The following USP43 variants were observed in gnomAD, a reference collection of about 807,000 sequenced individuals.
USP43 encodes the protein ubiquitin specific peptidase 43.
USP43 carries 33 observed loss-of-function variants against 90.7 expected under a neutral mutation model. The ratio of observed to expected loss-of-function variants is 0.36; its 90% CI spans 0.28 to 0.49. USP43 has a LOEUF of 0.49. Among genes scored for constraint, USP43 ranks in the 20% least tolerant of loss-of-function variants. The pLI is 0.98. For synonymous variants in USP43, 598 were observed against 615.8 expected (o/e 0.97, Z 0.43); for missense variants, 1,274 against 1,476.4 (o/e 0.86, Z 2.25).
Position 9,658,108 on chromosome 17 carries a change from G to T in USP43, c.636+1574G>T, listed in dbSNP as rs569461161. Among the ~76,000 whole-genome samples the T allele has an allele frequency of 2.2e-4, 34 of 152,144 alleles. No individual in the cohort carries two copies. The Middle Eastern group carries it at 0.01, about 46-fold the overall frequency. Reference sequence around the variant, plus strand: ...ATGAGAACTGTTTTACCAGTTTTTTGGTTTTGTTTTAAATCTGGAAACATT... The same window carrying T: ...ATGAGAACTGTTTTACCAGTTTTTTTGTTTTGTTTTAAATCTGGAAACATT... On this transcript the variant is annotated intron_variant, in intron 2 of 14. Coordinates refer to ENST00000285199, the MANE Select transcript of USP43 (RefSeq NM_153210.5).
intron 5 of USP43, 133 bp downstream of exon 5, chr17:9,677,014 T>A: frequency 8.7e-7 from 1 of 1,143,886 alleles, no homozygotes; most frequent in Non-Finnish European, 1.2e-6. Flanking sequence ...GGTTGATTAG[T>A]AATGCCTGCT....
intron 3 of USP43, among the ~76,000 whole-genome samples, chr17:9,670,229 G>C (rs2151969866): frequency 6.6e-6 from 1 of 151,964 alleles, no homozygotes; most frequent in African/African-American, 2.4e-5. Flanking sequence ...AGTAGAGATG[G>C]GGTTTCATCA....
At chr17:9,649,256 G>A (rs191607090) in intron 1 of USP43, among the ~76,000 whole-genome samples, 2 of 152,122 alleles carry the variant, frequency 1.3e-5, no homozygotes, top group Non-Finnish European at 1.5e-5. Context: ...GCAGTGAGCC[G>A]AGATCGTGCC....
At chr17:9,713,442 G>A (rs1424504879) in intron 14 of USP43, among the ~76,000 whole-genome samples, 10 of 152,146 alleles carry the variant, frequency 6.6e-5, no homozygotes, top group African/African-American at 1.7e-4. Context: ...CCGGCCTCTG[G>A]CAACCATCAT....
chr17:9,655,890 T>A (rs1312854763), intron 1 of USP43, among the ~76,000 whole-genome samples: 3 of 152,184 alleles, frequency 2.0e-5, no homozygotes, highest in Non-Finnish European at 4.4e-5. Context: ...GGAAATCAAC[T>A]TCACTGCAAA....
intron 1 of USP43, among the ~76,000 whole-genome samples, chr17:9,646,484 G>T (rs778811846): frequency 6.6e-6 from 1 of 152,138 alleles, no homozygotes; most frequent in African/African-American, 2.4e-5. Context: ...AATGATGTGG[G>T]GTAGGGAATG....
chr17:9,670,165 A>G (rs1597830832), intron 3 of USP43, among the ~76,000 whole-genome samples: 1 of 151,830 alleles, frequency 6.6e-6, no homozygotes, highest in Admixed American at 6.6e-5. Flanking sequence ...CGGCCTCCCA[A>G]GTAGCTGGGA....
intron 1 of USP43, among the ~76,000 whole-genome samples, chr17:9,649,698 TTAAAA>T (rs1911725996): frequency 6.8e-6 from 1 of 146,326 alleles, no homozygotes; most frequent in African/African-American, 2.5e-5. Context: ...AAAAAAAAAG[TTAAAA>T]TGTAGAAAAA....
At chr17:9,693,052 A>G (rs1444605041) in intron 8 of USP43, 75 bp from the exon 9 acceptor site, 2 of 995,430 alleles carry the variant, frequency 2.0e-6, no homozygotes, top group African/African-American at 1.6e-5. Flanking sequence ...TTTTTAATGT[A>G]TGCGCCCCTT....
intron 12 of USP43, among the ~76,000 whole-genome samples, chr17:9,706,624 G>A: frequency 7.3e-6 from 1 of 137,860 alleles, no homozygotes; most frequent in East Asian, 2.3e-4. Flanking sequence ...TGCCCTATCA[G>A]ATATTAATTT....
chr17:9,646,145 C>T lies in USP43; in HGVS notation c.504+9C>T. 1 of 1,415,724 alleles carries T rather than the reference C, an allele frequency of 7.1e-7. No homozygotes were observed. Among genetic ancestry groups the T allele is most frequent in the Non-Finnish European group, 9.2e-7 (1 of 1,088,518 alleles). The allele number at this position is 1,415,724 out of a possible 1,614,324, so 87.7% of individuals were successfully genotyped here. On this transcript the variant is annotated intron_variant, in intron 1 of 14. Transcript: ENST00000285199. ...TTTCCGCGGAGTTCAAGGTAGGCAG[C>T]GCTGCGCCGCCGACCGCCCTGTCCC...
At chr17:9,692,392 G>A (rs911832501) in intron 8 of USP43, among the ~76,000 whole-genome samples, 1 of 152,140 alleles carries the variant, frequency 6.6e-6, no homozygotes, top group Non-Finnish European at 1.5e-5. Flanking sequence ...CCATCCCAGT[G>A]GGTGTGAAGT....
At chr17:9,650,234 A>ATT (rs1303547076) in intron 1 of USP43, among the ~76,000 whole-genome samples, 1 of 152,236 alleles carries the variant, frequency 6.6e-6, no homozygotes, top group African/African-American at 2.4e-5. Context: ...TAGTCAAAGC[A>ATT]AAAGTATGAC....
At chr17:9,702,665 A>G (rs1915642046) in intron 12 of USP43, among the ~76,000 whole-genome samples, 1 of 151,950 alleles carries the variant, frequency 6.6e-6, no homozygotes, top group Admixed American at 6.6e-5. Flanking sequence ...CGATTATGTC[A>G]TTGTTTGCTT....
intron 9 of USP43, among the ~76,000 whole-genome samples, chr17:9,698,053 A>G (rs2151986320): frequency 6.6e-6 from 1 of 152,308 alleles, no homozygotes; most frequent in Non-Finnish European, 1.5e-5. Context: ...ATGGTATTTC[A>G]CTGTGGCTTT....
chr17:9,688,432 C>G (rs1407168473), intron 8 of USP43, among the ~76,000 whole-genome samples: 42 of 145,648 alleles, frequency 2.9e-4, no homozygotes, highest in East Asian at 2.4e-3. Flanking sequence ...CTTACTGCAA[C>G]CTCCGCCTCC....
intron 12 of USP43, among the ~76,000 whole-genome samples, chr17:9,702,150 C>A (rs879510504): frequency 2.6e-5 from 4 of 151,552 alleles, no homozygotes; most frequent in Admixed American, 2.6e-4. Context: ...CACTTGAGGC[C>A]AGGGGTTCAA....
chr17:9,711,618 A>G (rs978101281), intron 13 of USP43, among the ~76,000 whole-genome samples: 1 of 151,964 alleles, frequency 6.6e-6, no homozygotes, highest in Non-Finnish European at 1.5e-5. Flanking sequence ...TTTAGTAGAG[A>G]TGGGATTTCA....
intron 2 of USP43, among the ~76,000 whole-genome samples, 189 bp downstream of exon 2, chr17:9,656,723 C>A (rs766973543): frequency 6.6e-6 from 1 of 152,208 alleles, no homozygotes; most frequent in Non-Finnish European, 1.5e-5. Context: ...GCGTTTCCTT[C>A]CATTCCAGTA....
Sources: gnomAD v4.1 joint callset for allele counts (sites outside exome capture counted in the v4.1 genomes callset) on GRCh38, gnomAD v4.1.1 for gene constraint, MANE v1.5 for transcripts, NCBI Gene and HGNC (gene_info 2026-07-23, HGNC 2026-07-21) for gene names.